Variants in CALD1 observed in about 807,000 individuals in gnomAD.
CALD1 encodes caldesmon.
A neutral mutation model predicts 99.9 loss-of-function variants in CALD1; 33 were observed. The observed-to-expected ratio is 0.33, with a 90% confidence interval of 0.25 to 0.44. The LOEUF is 0.44. Ranked by LOEUF, CALD1 falls within the 20% of genes least tolerant of loss-of-function variation. CALD1 has a pLI of 1.00. For missense variants in CALD1, 861 were observed against 962.1 expected, an observed-to-expected ratio of 0.89 and a Z score of 1.39; for synonymous variants, 310 against 325.0, an observed-to-expected ratio of 0.95 and a Z score of 0.50.
At chr7:134,931,530 T>A (rs1345813800) in intron 4 of CALD1, among the ~76,000 whole-genome samples, 1 of 152,242 alleles carries the variant, frequency 6.6e-6, no homozygotes, top group Non-Finnish European at 1.5e-5. Flanking sequence ...AAATATGAAA[T>A]GTGTTTTTTC....
chr7:134,802,843 TA>T (rs2131855298), intron 1 of CALD1, among the ~76,000 whole-genome samples: 1 of 152,374 alleles, frequency 6.6e-6, no homozygotes, highest in East Asian at 1.9e-4. Context: ...ACCATCTGTG[TA>T]AGATTCAAGT....
intron 1 of CALD1, among the ~76,000 whole-genome samples, chr7:134,805,159 C>T (rs896612421): frequency 1.3e-5 from 2 of 152,200 alleles, no homozygotes; most frequent in African/African-American, 4.8e-5. Context: ...CAGAAAAACA[C>T]ATCTTATAGT....
At chr7:134,816,690 A>G (rs1197095080) in intron 1 of CALD1, among the ~76,000 whole-genome samples, 1 of 152,180 alleles carries the variant, frequency 6.6e-6, no homozygotes, top group East Asian at 1.9e-4. Flanking sequence ...AATGGGTAAA[A>G]TGTAGGGAGT....
intron 3 of CALD1, among the ~76,000 whole-genome samples, chr7:134,892,151 C>T (rs1205079301): frequency 2.6e-5 from 4 of 152,098 alleles, no homozygotes; most frequent in African/African-American, 9.7e-5. Flanking sequence ...CAGAACAAGA[C>T]CCAGAGCATA....
At chr7:134,931,773 T>G (rs12667528) in intron 4 of CALD1, among the ~76,000 whole-genome samples, 65,475 of 152,022 alleles carry the variant, frequency 0.43, 14,879 homozygotes, top group East Asian at 0.87. Flanking sequence ...GAGATTTTCT[T>G]TCCTTTTTAA....
At chr7:134,777,552 G>A (rs1266685101), upstream of CALD1, among the ~76,000 whole-genome samples, 1 of 152,072 alleles carries the variant, frequency 6.6e-6, no homozygotes, top group East Asian at 1.9e-4. Context: ...TTCATAGATT[G>A]CAAAATTATA....
At chr7:134,819,883 AAAAC>A (rs72265088) in intron 1 of CALD1, among the ~76,000 whole-genome samples, 55,438 of 150,802 alleles carry the variant, frequency 0.37, 11,211 homozygotes, top group East Asian at 0.66. Flanking sequence ...TCTCAAAAAC[AAAAC>A]AAACAAACAA....
intron 3 of CALD1, among the ~76,000 whole-genome samples, chr7:134,911,854 T>C (rs1471730776): frequency 6.6e-6 from 1 of 152,170 alleles, no homozygotes; most frequent in Non-Finnish European, 1.5e-5. Flanking sequence ...AAGAAACACA[T>C]GCCATAATAT....
At chr7:134,865,222 A>G (rs1309283696) in intron 2 of CALD1, among the ~76,000 whole-genome samples, 3 of 152,132 alleles carry the variant, frequency 2.0e-5, no homozygotes, top group African/African-American at 7.2e-5. Flanking sequence ...CTTACAAAGG[A>G]AAGATGCTAG....
At chr7:134,891,756 A>G in intron 3 of CALD1, 1 of 974,680 alleles carries the variant, frequency 1.0e-6, no homozygotes. Flanking sequence ...AAAAAAAAAA[A>G]AAAAAAAAAA....
intron 1 of CALD1, among the ~76,000 whole-genome samples, chr7:134,751,999 C>T (rs1028423915): frequency 5.3e-5 from 8 of 152,128 alleles, no homozygotes; most frequent in Non-Finnish European, 1.2e-4. Flanking sequence ...GTCATCTATA[C>T]TCTTGAGTCC....
the CALD1 span, among the ~76,000 whole-genome samples, chr7:134,731,542 T>C: frequency 6.6e-6 from 1 of 152,208 alleles, no homozygotes; most frequent in Non-Finnish European, 1.5e-5. Context: ...CTTTACATGA[T>C]TGACCCTGTT....
chr7:134,873,016 C>G (rs550143371), intron 3 of CALD1, among the ~76,000 whole-genome samples: 1 of 151,894 alleles, frequency 6.6e-6, no homozygotes, highest in Non-Finnish European at 1.5e-5. Flanking sequence ...AACCCTGTCT[C>G]TACTAAAAAT....
rs1209226613 is a variant in CALD1, at chr7:134,783,661, A to T, written c.-130+3912A>T. Reference sequence around the variant, plus strand: ...TGCTATGGAAACCTTTGAGAATCTGATAAAAACTGTGAACCCTTAAGGTCC... The same window carrying T: ...TGCTATGGAAACCTTTGAGAATCTGTTAAAAACTGTGAACCCTTAAGGTCC... On this transcript the variant is annotated intron_variant, in intron 1 of 14. Transcript: ENST00000361675. This position sits in a 1 kb window ranked among gnomAD's most constrained non-coding sequence, Gnocchi z 4.3. Among the ~76,000 whole-genome samples, 1 of 152,150 alleles carries T rather than the reference A, an allele frequency of 6.6e-6. No individual in the cohort carries two copies. The highest frequency in any genetic ancestry group is 2.4e-5 in the African/African-American group (1 of 41,440).
chr7:134,808,473 C>A (rs1368553735), intron 1 of CALD1, among the ~76,000 whole-genome samples: 6 of 152,136 alleles, frequency 3.9e-5, no homozygotes, highest in African/African-American at 1.2e-4. Context: ...CACTCCCTGG[C>A]AAAAGTTACA....
chr7:134,959,891 A>T, intron 11 of CALD1, 83 bp from the exon 12 acceptor site: 1 of 1,409,544 alleles, frequency 7.1e-7, no homozygotes, highest in Non-Finnish European at 9.7e-7. Flanking sequence ...TTAAGATGAT[A>T]ATGTTGAGGA....
chr7:134,939,195 G>A (rs1372137740), intron 6 of CALD1, among the ~76,000 whole-genome samples: 1 of 152,196 alleles, frequency 6.6e-6, no homozygotes, highest in Non-Finnish European at 1.5e-5. Context: ...CTTGGGCAAG[G>A]ACAGCCATCA....
intron 3 of CALD1, among the ~76,000 whole-genome samples, chr7:134,876,540 TAAAG>T (rs1329309598): frequency 6.6e-6 from 1 of 152,068 alleles, no homozygotes; most frequent in East Asian, 1.9e-4. Flanking sequence ...AAGTGAAAAA[TAAAG>T]AAAGATGAGT....
intron 1 of CALD1, among the ~76,000 whole-genome samples, chr7:134,746,105 T>G (rs1249074293): frequency 6.6e-6 from 1 of 152,206 alleles, no homozygotes; most frequent in East Asian, 1.9e-4. Flanking sequence ...GTCATTTGAA[T>G]GCTCTCCCAT....
Sources: allele counts gnomAD v4.1 joint callset (sites outside exome capture counted in the v4.1 genomes callset), GRCh38; gene constraint gnomAD v4.1.1; non-coding constraint Gnocchi (gnomAD v3.1); transcripts MANE v1.5; gene names NCBI Gene and HGNC (gene_info 2026-07-23, HGNC 2026-07-21).